The following AFAP1L2 variants were observed in gnomAD, a reference collection of about 807,000 sequenced individuals.
The protein encoded by AFAP1L2 is actin filament-associated protein 1-like 2.
A neutral mutation model predicts 99.3 loss-of-function variants in AFAP1L2; 46 were observed. That is an observed-to-expected ratio of 0.46 (90% CI 0.37 to 0.59). The LOEUF (loss-of-function observed/expected upper bound fraction) is 0.59. Among genes scored for constraint, AFAP1L2 ranks in the 20% least tolerant of loss-of-function variants. The pLI is 0.00. For missense variants in AFAP1L2, 959 were observed against 1,034.9 expected, an observed-to-expected ratio of 0.93 and a Z score of 1.01; for synonymous variants, 397 against 419.1, an observed-to-expected ratio of 0.95 and a Z score of 0.64.
intron 5 of AFAP1L2, among the ~76,000 whole-genome samples, chr10:114,316,914 G>A (rs1302981646): frequency 1.3e-5 from 2 of 152,138 alleles, no homozygotes; most frequent in African/African-American, 4.8e-5. Flanking sequence ...CCTGATCCCT[G>A]GATACTCCCA....
intron 1 of AFAP1L2, among the ~76,000 whole-genome samples, chr10:114,373,225 A>G (rs964690388): frequency 6.6e-6 from 1 of 152,194 alleles, no homozygotes; most frequent in Non-Finnish European, 1.5e-5. Flanking sequence ...CCTGTGTGGC[A>G]GTGAGACCCT....
intron 10 of AFAP1L2, among the ~76,000 whole-genome samples, chr10:114,306,377 G>GGACGCGGGGGCAGGAGGGGC (rs1452022457): frequency 1.3e-5 from 2 of 151,072 alleles, no homozygotes; most frequent in Non-Finnish European, 3.0e-5. Flanking sequence ...GGGCAGGAGG[G>GGACGCGGGGGCAGGAGGGGC]CATGGGTGTC....
At chr10:114,375,163 C>G (rs572264922) in intron 1 of AFAP1L2, among the ~76,000 whole-genome samples, 1 of 152,062 alleles carries the variant, frequency 6.6e-6, no homozygotes, top group African/African-American at 2.4e-5. Context: ...TATTTCATGA[C>G]GCATGAAAAT....
At chr10:114,365,186 C>T (rs1275744938) in intron 1 of AFAP1L2, among the ~76,000 whole-genome samples, 1 of 152,288 alleles carries the variant, frequency 6.6e-6, no homozygotes, top group East Asian at 1.9e-4. Context: ...CTTCCCCTGG[C>T]CCAGAAGTGT....
At chr10:114,351,685 C>G (rs549831195) in intron 1 of AFAP1L2, among the ~76,000 whole-genome samples, 2 of 152,202 alleles carry the variant, frequency 1.3e-5, no homozygotes, top group Admixed American at 6.5e-5. Flanking sequence ...GGGCCACCCC[C>G]CTGCCCCAAG....
At chr10:114,305,198 G>C in intron 10 of AFAP1L2, 1 of 461,016 alleles carries the variant, frequency 2.2e-6, no homozygotes, top group Non-Finnish European at 3.9e-6. Context: ...GATGAAGGAG[G>C]GGGCGGGGCT....
intron 1 of AFAP1L2, among the ~76,000 whole-genome samples, chr10:114,390,842 CCTT>C (rs1477827796): frequency 2.0e-5 from 3 of 152,090 alleles, no homozygotes; most frequent in Non-Finnish European, 4.4e-5. Context: ...CATTGTGCCA[CCTT>C]CTCATTTCTG....
chr10:114,302,122 G>A (rs182187499), intron 12 of AFAP1L2: 17 of 620,360 alleles, frequency 2.7e-5, no homozygotes, highest in Admixed American at 8.9e-5. Flanking sequence ...AGCTGCCCCC[G>A]GGGCCCGAAG....
downstream of AFAP1L2, chr10:114,294,796 C>T: frequency 1.0e-6 from 1 of 980,554 alleles, no homozygotes; most frequent in Non-Finnish European, 1.2e-6. Flanking sequence ...AGGCCCTGCC[C>T]CAAGTCATTT....
At chr10:114,349,141 G>T (rs2050047124) in intron 1 of AFAP1L2, among the ~76,000 whole-genome samples, 1 of 152,076 alleles carries the variant, frequency 6.6e-6, no homozygotes, top group Admixed American at 6.6e-5. Context: ...ACTTTGGGAG[G>T]CCGAGGTGGA....
At chr10:114,365,706 T>C (rs546012728) in intron 1 of AFAP1L2, among the ~76,000 whole-genome samples, 1 of 142,442 alleles carries the variant, frequency 7.0e-6, no homozygotes, top group Non-Finnish European at 1.5e-5. Context: ...ACTTTTCTTT[T>C]TTCTTTCTCT....
chr10:114,302,387 T>A lies in AFAP1L2; in HGVS notation c.1382A>T (p.Asp461Val). 6.2e-7 allele frequency: 1 copy of A among 1,614,152 alleles called. No individual in the cohort carries two copies. Among genetic ancestry groups the A allele is most frequent in the South Asian group, 1.1e-5 (1 of 91,084 alleles). Residue 461 changes from aspartate to valine, a missense_variant, in exon 12 of 19, where the codon GAT (aspartate) becomes GTT (valine). Coordinates refer to ENST00000304129, the MANE Select transcript of AFAP1L2 (RefSeq NM_001001936.3). ...CACAATACAGGAGACCCTATCGGCA[T>A]CCACATAGTCGTAGGTGAACTCTTC... ...DPEEFTYDYV[D>V]ADRVSCIVSA...
intron 1 of AFAP1L2, among the ~76,000 whole-genome samples, chr10:114,374,604 C>T (rs1221191890): frequency 6.6e-6 from 1 of 152,032 alleles, no homozygotes; most frequent in African/African-American, 2.4e-5. Context: ...CTGTCTTTAG[C>T]TGCTCAGCAT....
chr10:114,283,467 T>C, the AFAP1L2 span, among the ~76,000 whole-genome samples: 1 of 152,182 alleles, frequency 6.6e-6, no homozygotes, highest in Non-Finnish European at 1.5e-5. Context: ...GGTTTACAGT[T>C]CCAGCACCAC....
At chr10:114,293,527 A>G (rs892177465), downstream of AFAP1L2, among the ~76,000 whole-genome samples, 1 of 152,186 alleles carries the variant, frequency 6.6e-6, no homozygotes, top group Non-Finnish European at 1.5e-5. Flanking sequence ...TAAATAGTTC[A>G]GCTTTTGTCA....
chr10:114,290,141 C>T, downstream of AFAP1L2: 1 of 1,474,024 alleles, frequency 6.8e-7, no homozygotes, highest in Non-Finnish European at 9.1e-7. Flanking sequence ...AGACATGACT[C>T]TAGTAGCCTT....
At chr10:114,378,719 GC>G (rs1209914503) in intron 1 of AFAP1L2, among the ~76,000 whole-genome samples, 3 of 152,148 alleles carry the variant, frequency 2.0e-5, no homozygotes, top group Admixed American at 1.3e-4. Flanking sequence ...AGAAGCAATG[GC>G]CCCCCATCTT....
rs763783181 is a variant in AFAP1L2 at position 114,297,399 on chromosome 10, C to T, written c.2128G>A (p.Ala710Thr). ...TCCTTCAGCTTCTGCTCCAGGCTCG[C>T]CAGGACTTCCTTGTCTGGAGAGAGA... ...LLKCTDKEVL[A>T]SLEQKLKEID... The change falls in exon 17 of 19, where the codon GCG (alanine) becomes ACG (threonine). Residue 710 changes from alanine to threonine, a missense_variant. Physicochemically the swap from Ala to Thr is moderately conservative, Grantham distance 58. Coordinates refer to ENST00000304129, the MANE Select transcript of AFAP1L2 (RefSeq NM_001001936.3). The T allele has an allele frequency of 6.2e-7, 1 of 1,612,910 alleles. No homozygotes were observed. The highest frequency in any genetic ancestry group is 8.5e-7 in the Non-Finnish European group (1 of 1,179,942).
chr10:114,285,084 C>A, the AFAP1L2 span: 2 of 790,802 alleles, frequency 2.5e-6, no homozygotes, highest in South Asian at 2.1e-5. Flanking sequence ...CTTGAACCAT[C>A]TGCTTTCCAA....
Sources: gnomAD v4.1 joint callset for allele counts (sites outside exome capture counted in the v4.1 genomes callset) on GRCh38, gnomAD v4.1.1 for gene constraint, MANE v1.5 for transcripts, NCBI Gene and HGNC (gene_info 2026-07-23, HGNC 2026-07-21) for gene names.